The following UVSSA variants were observed in gnomAD, a reference collection of about 807,000 sequenced individuals.
UVSSA encodes UV stimulated scaffold protein A, also known as UV-stimulated scaffold protein A.
Under a neutral mutation model 73.9 loss-of-function variants are expected in UVSSA, and 72 were observed. The observed-to-expected ratio is 0.97, with a 90% CI of 0.81 to 1.19. The LOEUF (loss-of-function observed/expected upper bound fraction) is 1.19, where lower values mean the gene tolerates loss of function less well. Ranked by LOEUF, UVSSA falls within the 50% of genes most tolerant of loss-of-function variation. The pLI, the probability that UVSSA is intolerant of heterozygous loss-of-function variation, is 0.00. For synonymous variants in UVSSA, 454 were observed against 391.3 expected (o/e 1.16, Z -1.89); for missense variants, 1,150 against 965.0 (o/e 1.19, Z -2.54).
chr4:1,369,333 C>T (rs1553882393), intron 8 of UVSSA, among the ~76,000 whole-genome samples: 1 of 152,196 alleles, frequency 6.6e-6, no homozygotes, highest in Non-Finnish European at 1.5e-5. Context: ...GACCCCTGGC[C>T]CCACTCAGCT....
chr4:1,367,678 C>G (rs1717510424), intron 8 of UVSSA, among the ~76,000 whole-genome samples: 1 of 152,134 alleles, frequency 6.6e-6, no homozygotes, highest in Non-Finnish European at 1.5e-5. Flanking sequence ...GCTCTGGGAA[C>G]CACTGTGGCC....
At chr4:1,383,385 G>A (rs867590850) in intron 12 of UVSSA, among the ~76,000 whole-genome samples, 16 of 152,276 alleles carry the variant, frequency 1.1e-4, no homozygotes, top group African/African-American at 3.6e-4. Context: ...AGGAGCTTGC[G>A]GATGGTGCCA....
At chr4:1,384,034 C>T in intron 13 of UVSSA, 94 bp downstream of exon 13, 1 of 1,414,248 alleles carries the variant, frequency 7.1e-7, no homozygotes, top group East Asian at 2.5e-5. Context: ...ATTCCAGGGA[C>T]TTGGGGCCTC....
At position 1,349,533 on chromosome 4, in the gene UVSSA, GGAGCAGCT is replaced by G; in HGVS notation, c.113_120del (p.Gln38ProfsTer82). 6.2e-7 allele frequency: 1 copy of G among 1,612,680 alleles called. No homozygotes were observed. The highest frequency in any genetic ancestry group is 1.1e-5 in the South Asian group (1 of 91,060). On this transcript the variant is annotated frameshift_variant, in exon 3 of 14. Coordinates refer to ENST00000389851, the MANE Select transcript of UVSSA (RefSeq NM_020894.4). LOFTEE classifies it high-confidence loss of function. ...CAGCTCGCATCCCCAGGTCTTCAGA[GGAGCAGCT>G]GAGCCGCGCCTACCGCCTGCTGATA...
chr4:1,361,596 C>T lies in UVSSA; in HGVS notation c.1177-4724C>T, dbSNP rs893118685. Among the ~76,000 whole-genome samples the T allele has an allele frequency of 5.5e-4, 84 of 152,260 alleles. 1 individual carries two copies. Among genetic ancestry groups the T allele is most frequent in the Admixed American group, 5.4e-3 (82 of 15,286 alleles). ...ACGCTTGCTGCAGTCAGCCCTGCAC[C>T]GCTCCGCCCTCCGTCCTCTCAAGGT... On this transcript the variant is annotated intron_variant, in intron 7 of 13. Transcript: ENST00000389851.
At chr4:1,367,542 G>T (rs1047343877) in intron 8 of UVSSA, among the ~76,000 whole-genome samples, 1 of 152,148 alleles carries the variant, frequency 6.6e-6, no homozygotes. Flanking sequence ...GTTTACTGGG[G>T]CCTGCTGTCT....
chr4:1,362,869 C>G (rs182876595), intron 7 of UVSSA, among the ~76,000 whole-genome samples: 1 of 152,196 alleles, frequency 6.6e-6, no homozygotes, highest in African/African-American at 2.4e-5. Flanking sequence ...TCCTGTCCTC[C>G]GAACAGGCCT....
In UVSSA at chr4:1,380,139, T is replaced by C; in HGVS notation, c.1661T>C (p.Ile554Thr). The C allele has an allele frequency of 1.2e-6, 2 of 1,613,256 alleles. No homozygotes were observed. The highest frequency in any genetic ancestry group is 2.2e-5 in the East Asian group (1 of 44,864). Residue 554 changes from isoleucine (I) to threonine (T), a missense_variant, in exon 11 of 14, where the codon ATC becomes ACC. By Grantham distance (89) the Ile-to-Thr change is moderately conservative (BLOSUM62 -1). Transcript: ENST00000389851. ...DISEMLRSRHITFAGKFEPVQ... is the reference protein window; with the variant it reads ...DISEMLRSRHTTFAGKFEPVQ... ...TCCGAGATGCTCCGGAGCCGCCACA[T>C]CACTTTTGCCGGGAAGTTTGAGCCT... is the stretch of plus-strand genomic sequence containing the variant.
chr4:1,375,147 A>AC, intron 8 of UVSSA: 3 of 669,488 alleles, frequency 4.5e-6, no homozygotes, highest in Non-Finnish European at 7.5e-6. Flanking sequence ...GGACTGCCGG[A>AC]CCCCCCGACG....
chr4:1,383,758 G>C lies in UVSSA; in HGVS notation c.1862-8G>C. 1 of 1,613,016 alleles carries C rather than the reference G, an allele frequency of 6.2e-7. No individual in the cohort carries two copies. Among genetic ancestry groups the C allele is most frequent in the Non-Finnish European group, 8.5e-7 (1 of 1,179,956 alleles). The stretch of plus-strand genomic sequence containing the variant: ...ACGTCTCCTGAAGTGCTTGAGTTTT[G>C]TTTGCAGAATGGCAGGACCCTGAGT... On this transcript the variant is annotated splice_polypyrimidine_tract_variant and splice_region_variant and intron_variant, in intron 12 of 13. Coordinates refer to ENST00000389851, the MANE Select transcript of UVSSA (RefSeq NM_020894.4).
In UVSSA at chr4:1,394,531, G is replaced by C. The variant is rs1407681791; in HGVS notation, c.*8570G>C. ...CCTCTTATGCATGAGCCCTCGCTTT[G>C]TGCCAATGTGGAGTGCCCGCCTGCT... On this transcript the variant is annotated 3_prime_UTR_variant, in exon 14 of 14. Transcript: ENST00000511216. 8 of 1,614,082 alleles carry C rather than the reference G, an allele frequency of 5.0e-6. No homozygotes were observed. In the East Asian group the frequency reaches 1.1e-4, roughly 22 times the overall value.
chr4:1,345,954 T>C (rs192091002), upstream of UVSSA, among the ~76,000 whole-genome samples: 509 of 152,096 alleles, frequency 3.3e-3, 2 homozygotes, highest in Non-Finnish European at 5.0e-3. Flanking sequence ...GGGGATTGGA[T>C]GCACAGGGCA....
At position 1,364,529 on chromosome 4, in the gene UVSSA, G is replaced by A. The variant is rs975017944; in HGVS notation, c.1177-1791G>A. 3.3e-5 allele frequency among the ~76,000 whole-genome samples: 5 copies of A among 152,358 alleles called. 1 individual carries two copies. Among genetic ancestry groups the A allele is most frequent in the African/African-American group, 7.2e-5 (3 of 41,586 alleles). ...TCAGGAAACAGCTGCGATCGCAGGC[G>A]CCTTTGAGGTGTTGCTGCTGGGAAT... is the stretch of plus-strand genomic sequence containing the variant. On this transcript the variant is annotated intron_variant, in intron 7 of 13. Transcript: ENST00000389851.
chr4:1,355,305 C>G, intron 7 of UVSSA, 60 bp downstream of exon 7: 1 of 1,475,854 alleles, frequency 6.8e-7, no homozygotes, highest in Non-Finnish European at 9.2e-7. Flanking sequence ...GGAGGAGAAG[C>G]TGTGGGGGGG....
chr4:1,361,788 AG>A (rs1716677538), intron 7 of UVSSA, among the ~76,000 whole-genome samples: 1 of 152,174 alleles, frequency 6.6e-6, no homozygotes, highest in Non-Finnish European at 1.5e-5. Context: ...TTAAACACAT[AG>A]CCATCAAGGC....
At chr4:1,362,239 G>A (rs764146033) in intron 7 of UVSSA, among the ~76,000 whole-genome samples, 1 of 152,192 alleles carries the variant, frequency 6.6e-6, no homozygotes, top group Non-Finnish European at 1.5e-5. Flanking sequence ...GCCTCCCCGC[G>A]GTGGCTGGGG....
At chr4:1,373,307 C>T (rs1012241297) in intron 8 of UVSSA, among the ~76,000 whole-genome samples, 3 of 152,178 alleles carry the variant, frequency 2.0e-5, no homozygotes, top group Admixed American at 1.3e-4. Context: ...TGTTCGAGGG[C>T]AGGAAGCATC....
At position 1,349,542 on chromosome 4, in the gene UVSSA, G is replaced by A; in HGVS notation, c.117G>A (p.Leu39=). The A allele has an allele frequency of 1.2e-6, 2 of 1,613,326 alleles. No homozygotes were observed. The highest frequency in any genetic ancestry group is 1.7e-6 in the Non-Finnish European group (2 of 1,179,768). ...KKICKSSEEQ[L]SRAYRLLIAQ... ...TCCCCAGGTCTTCAGAGGAGCAGCT[G>A]AGCCGCGCCTACCGCCTGCTGATAG... Residue 39 remains leucine (L), a synonymous_variant, in exon 3 of 14, where the codon CTG becomes CTA. Coordinates refer to ENST00000389851, the MANE Select transcript of UVSSA (RefSeq NM_020894.4).
chr4:1,350,783 A>AG (rs1420224960), intron 3 of UVSSA, among the ~76,000 whole-genome samples: 1 of 150,164 alleles, frequency 6.7e-6, no homozygotes, highest in Admixed American at 6.6e-5. Flanking sequence ...AAAAAAAAAA[A>AG]CTACTGTGAA....
Sources: gnomAD v4.1 joint callset for allele counts (sites outside exome capture counted in the v4.1 genomes callset) on GRCh38, gnomAD v4.1.1 for gene constraint, MANE v1.5 for transcripts, NCBI Gene and HGNC (gene_info 2026-07-23, HGNC 2026-07-21) for gene names.